Variants in CGN observed in about 807,000 individuals in gnomAD.
CGN encodes the protein cingulin.
Under a neutral mutation model 157.1 loss-of-function variants are expected in CGN, and 121 were observed. The observed-to-expected ratio is 0.77, with a 90% CI of 0.66 to 0.90. The LOEUF is 0.90. CGN is among the 40% of genes least tolerant of loss of function. The probability of loss-of-function intolerance (pLI) is 0.00; values close to 1 mark genes in which losing one functional copy is unlikely to be tolerated. For missense variants in CGN, 1,424 were observed against 1,520.9 expected, an observed-to-expected ratio of 0.94 and a Z score of 1.06; for synonymous variants, 535 against 607.5, an observed-to-expected ratio of 0.88 and a Z score of 1.76.
rs140214007 is a variant in CGN, at chr1:151,529,920, G to T, written c.2118G>T (p.Val706=). The T allele has an allele frequency of 1.5e-4, 248 of 1,613,580 alleles. No individual in the cohort carries two copies. Among genetic ancestry groups the T allele is most frequent in the Middle Eastern group, 1.5e-3 (9 of 5,912 alleles). ...TGAACCGTCCTTAGGCTAAGATGGT[G>T]GCCGAGGCAGAGGCAACAGTGCTGG... ...DCEEASKAKM[V]AEAEATVLGQ... The change falls in exon 12 of 21, where the codon GTG becomes GTT. Residue 706 remains valine, a synonymous_variant. Transcript: ENST00000271636.
rs988682158 is a variant in CGN at position 151,520,690 on chromosome 1, A to G, written c.1139A>G (p.Lys380Arg). 2 of 1,612,220 alleles carry G rather than the reference A, an allele frequency of 1.2e-6. No homozygotes were observed. The highest frequency in any genetic ancestry group is 2.2e-5 in the South Asian group (2 of 90,714). Reference protein sequence around the residue: ...ELQRKLDEEVKKRQKLEPSQV... With the variant: ...ELQRKLDEEVRKRQKLEPSQV... ...CAGCGAAAGCTGGATGAAGAGGTGA[A>G]GGTAAGGAAAGGTTAGAGGTGCCGG... The change falls in exon 5 of 21, where the codon AAG (lysine) becomes AGG (arginine). Residue 380 changes from lysine to arginine, a missense_variant and splice_region_variant. Around this residue, in one of 3 missense-constraint regions of CGN, gnomAD observed 1,187 missense variants for 1,217.6 expected, o/e 0.97. Coordinates refer to ENST00000271636, the MANE Select transcript of CGN (RefSeq NM_020770.3).
rs1451412961 is a variant in CGN, at chr1:151,529,632, T to C, written c.2106+73T>C. On this transcript the variant is annotated intron_variant, in intron 11 of 20. Coordinates refer to ENST00000271636, the MANE Select transcript of CGN (RefSeq NM_020770.3). ...TGGAGGGCTGAGGAGCCAGAGGGTG[T>C]GGAAAGTTACCTGTCATGGGTATGT... 8 of 1,366,844 alleles carry C rather than the reference T, an allele frequency of 5.9e-6. No individual in the cohort carries two copies. In the Admixed American group the frequency reaches 1.6e-4, roughly 27 times the overall value. The allele number at this position is 1,366,844 out of a possible 1,614,324, so 84.7% of individuals were successfully genotyped here.
intron 10 of CGN, 38 bp downstream of exon 10, chr1:151,527,145 T>A: frequency 1.2e-6 from 2 of 1,612,712 alleles, no homozygotes; most frequent in Non-Finnish European, 1.7e-6. Context: ...TAGGTAGGGG[T>A]GATGAACACC....
At chr1:151,528,552 G>T (rs1026301354) in intron 10 of CGN, among the ~76,000 whole-genome samples, 1 of 151,798 alleles carries the variant, frequency 6.6e-6, no homozygotes, top group African/African-American at 2.4e-5. Flanking sequence ...AAGCAGCTGG[G>T]ATTACAGGCA....
chr1:151,527,948 ATATTTTTTT>A, intron 10 of CGN: 2 of 121,100 alleles, frequency 1.7e-5, no homozygotes, highest in Admixed American at 1.3e-4. Flanking sequence ...ATATATATAT[ATATTTTTTT>A]TTTTTTTTTT....
chr1:151,518,925 C>T lies in CGN; in HGVS notation c.406C>T (p.His136Tyr). 1.2e-6 allele frequency: 2 copies of T among 1,614,156 alleles called. No individual in the cohort carries two copies. Among genetic ancestry groups the T allele is most frequent in the Non-Finnish European group, 1.7e-6 (2 of 1,180,006 alleles). ...AYWNGKLLRS[H>Y]SQASLAGPGP... ...CTGGAATGGAAAGCTACTCCGTTCC[C>T]ACTCCCAGGCCTCACTGGCAGGCCC... Residue 136 changes from histidine to tyrosine, a missense_variant, in exon 2 of 21, where the codon CAC (histidine) becomes TAC (tyrosine). His to Tyr is a moderately conservative substitution (Grantham distance 83). Around this residue, in one of 3 missense-constraint regions of CGN, gnomAD observed 1,187 missense variants for 1,217.6 expected, o/e 0.97. Transcript: ENST00000271636.
chr1:151,525,303 G>T (rs1396640303), intron 8 of CGN, among the ~76,000 whole-genome samples: 1 of 152,114 alleles, frequency 6.6e-6, no homozygotes, highest in Non-Finnish European at 1.5e-5. Flanking sequence ...GGAGGCTAAG[G>T]CAGGAGAATC....
intron 1 of CGN, among the ~76,000 whole-genome samples, chr1:151,512,789 T>A (rs1483634974): frequency 2.6e-5 from 4 of 152,246 alleles, no homozygotes; most frequent in Admixed American, 2.6e-4. Flanking sequence ...TTTGGGAGTC[T>A]GGGGGCTGGC....
rs139178728 is a variant in CGN, at chr1:151,532,326, G to A, written c.2572-76G>A. ...GCCTTGTCAGGAAGGAGACCCTTAG[G>A]GGAGAGTCTTGGGAGTCTGGGCCTG... is the stretch of plus-strand genomic sequence containing the variant. On this transcript the variant is annotated intron_variant, in intron 13 of 20. Transcript: ENST00000271636. The A allele has an allele frequency of 3.6e-4, 422 of 1,162,302 alleles. 2 individuals are homozygous for A. In the East Asian group the frequency reaches 0.01, roughly 28 times the overall value. The allele number at this position is 1,162,302 out of a possible 1,614,324, so 72.0% of individuals were successfully genotyped here. A position where few individuals can be genotyped will look rare whatever the true frequency, so the allele number is the denominator to read the frequency against.
Position 151,523,530 on chromosome 1 carries a change from A to C in CGN, c.1237A>C (p.Arg413=). The C allele has an allele frequency of 6.2e-7, 1 of 1,612,148 alleles. No homozygotes were observed. Among genetic ancestry groups the C allele is most frequent in the Non-Finnish European group, 8.5e-7 (1 of 1,179,212 alleles). The change falls in exon 6 of 21, where the codon AGG becomes CGG. Residue 413 remains arginine (R), a synonymous_variant. Transcript: ENST00000271636. ...CCGACTGCAGGAGCTGCTGGAGAGG[A>C]GGAAGGGGGAGGCCCAGCAGAGCAA... ...CSRLQELLER[R]KGEAQQSNKE...
intron 1 of CGN, among the ~76,000 whole-genome samples, chr1:151,517,600 T>C (rs1330780714): frequency 2.1e-5 from 3 of 141,806 alleles, no homozygotes; most frequent in African/African-American, 5.3e-5. Context: ...AACCTCCACC[T>C]CCCGGGTTCA....
In CGN at chr1:151,524,277, GCTGGAGACC is replaced by G. The variant is rs1312112921; in HGVS notation, c.1322_1330del (p.Leu441_Thr443del). On this transcript the variant is annotated inframe_deletion, in exon 7 of 21. Coordinates refer to ENST00000271636, the MANE Select transcript of CGN (RefSeq NM_020770.3). This position sits in a 1 kb window ranked among gnomAD's most constrained non-coding sequence, Gnocchi z 4.4. The stretch of plus-strand genomic sequence containing the variant: ...ACCAGGGTGAAGATTTACGACATGG[GCTGGAGACC>G]CAGGTGATGGAGCTGCAGAACAAGC... 6.2e-7 allele frequency: 1 copy of G among 1,614,224 alleles called. No homozygotes were observed. The highest frequency in any genetic ancestry group is 8.5e-7 in the Non-Finnish European group (1 of 1,180,050).
chr1:151,515,939 G>A (rs1166018950), intron 1 of CGN, among the ~76,000 whole-genome samples: 1 of 152,220 alleles, frequency 6.6e-6, no homozygotes, highest in Non-Finnish European at 1.5e-5. Context: ...GGTGATAAAA[G>A]TTTGGATGTG....
intron 10 of CGN, 73 bp from the exon 11 acceptor site, chr1:151,529,277 G>C (rs1397172407): frequency 1.3e-5 from 17 of 1,320,268 alleles, no homozygotes; most frequent in Non-Finnish European, 1.7e-5. Flanking sequence ...GTGTATGAGA[G>C]TTTCAGCTTC....
At position 151,511,498 on chromosome 1, in the gene CGN, G is replaced by C. The variant is rs1385466489; in HGVS notation, c.-32G>C. Reference sequence around the variant, plus strand: ...CCCGAGCCCGAACGCAAGCCTGGGAGCGCGGAGCCCGGCTAGGGTGAGTGG... The same window carrying C: ...CCCGAGCCCGAACGCAAGCCTGGGACCGCGGAGCCCGGCTAGGGTGAGTGG... On this transcript the variant is annotated 5_prime_UTR_variant, in exon 1 of 21. Transcript: ENST00000271636. The surrounding 1 kb of genome is among the most constrained non-coding windows in gnomAD (Gnocchi z 4.8). 5.7e-6 allele frequency: 1 copy of C among 174,224 alleles called. No homozygotes were observed. Among genetic ancestry groups the C allele is most frequent in the Non-Finnish European group, 1.2e-5 (1 of 82,918 alleles). The allele number at this position is 174,224 out of a possible 1,614,324, so 10.8% of individuals were successfully genotyped here.
chr1:151,517,528 G>A (rs1571655245), intron 1 of CGN, among the ~76,000 whole-genome samples: 1 of 146,060 alleles, frequency 6.8e-6, no homozygotes, highest in African/African-American at 2.5e-5. Context: ...TTTTTTTTTG[G>A]AGATAGAGTT....
At position 151,533,993 on chromosome 1, in the gene CGN, G is replaced by GC. The variant is rs762531916; in HGVS notation, c.2764dup (p.Leu922ProfsTer7). ...TGCCCAGATCCAGAGGCTGCGGCAG[G>GC]CCCTGCAGGCATCCCAGGCTGAGCG... On this transcript the variant is annotated frameshift_variant, in exon 15 of 21. Coordinates refer to ENST00000271636, the MANE Select transcript of CGN (RefSeq NM_020770.3). LOFTEE classifies it high-confidence loss of function. The GC allele has an allele frequency of 6.2e-7, 1 of 1,611,118 alleles. No individual in the cohort carries two copies. The highest frequency in any genetic ancestry group is 1.7e-5 in the Admixed American group (1 of 59,536).
chr1:151,536,864 C>G lies in CGN; in HGVS notation c.3441C>G (p.Ala1147=). 2 of 1,614,056 alleles carry G rather than the reference C, an allele frequency of 1.2e-6. No individual in the cohort carries two copies. The highest frequency in any genetic ancestry group is 1.7e-6 in the Non-Finnish European group (2 of 1,180,014). Residue 1147 remains alanine (A), a synonymous_variant, in exon 20 of 21, where the codon GCC becomes GCG. Coordinates refer to ENST00000271636, the MANE Select transcript of CGN (RefSeq NM_020770.3). ...ATGAGGTCAATGAACAGCTCCAGGC[C>G]CGGATCAAGTCTCTGGAGAAGGACT... ...EQHEVNEQLQ[A]RIKSLEKDSW...
At chr1:151,516,913 A>T (rs1664427809) in intron 1 of CGN, among the ~76,000 whole-genome samples, 1 of 151,268 alleles carries the variant, frequency 6.6e-6, no homozygotes, top group Non-Finnish European at 1.5e-5. Flanking sequence ...TAATCCCAGC[A>T]CTTTGGGAGG....
Sources: gnomAD v4.1 joint callset for allele counts (sites outside exome capture counted in the v4.1 genomes callset) on GRCh38, gnomAD v4.1.1 for gene constraint, gnomAD v4.1.1 regional missense constraint, Gnocchi (gnomAD v3.1) non-coding constraint, MANE v1.5 for transcripts, NCBI Gene and HGNC (gene_info 2026-07-23, HGNC 2026-07-21) for gene names.